The following PRELID2 variants were observed in gnomAD, a reference collection of about 807,000 sequenced individuals.
PRELID2 encodes PRELI domain containing 2, also known as PRELI domain-containing protein 2.
A neutral mutation model predicts 28.4 loss-of-function variants in PRELID2; 25 were observed. That is an observed-to-expected ratio of 0.88 (90% CI 0.64 to 1.23). PRELID2 has a LOEUF of 1.23. Among genes scored for constraint, PRELID2 ranks in the 50% most tolerant of loss-of-function variants. PRELID2 has a pLI of 0.00. For missense variants in PRELID2, 201 were observed against 214.4 expected (o/e 0.94, Z 0.39); for synonymous variants, 76 against 71.6 (o/e 1.06, Z -0.31).
At chr5:145,306,399 T>G in the PRELID2 span, among the ~76,000 whole-genome samples, 1 of 152,152 alleles carries the variant, frequency 6.6e-6, no homozygotes, top group Non-Finnish European at 1.5e-5. Flanking sequence ...TTTTAAAGTT[T>G]ACTTAAGTCA....
intron 1 of PRELID2, among the ~76,000 whole-genome samples, chr5:145,530,081 C>G (rs1047083803): frequency 1.3e-5 from 2 of 152,102 alleles, no homozygotes; most frequent in Non-Finnish European, 2.9e-5. Flanking sequence ...GAAGAGGGTA[C>G]TATTATCCCT....
the PRELID2 span, among the ~76,000 whole-genome samples, chr5:145,367,848 C>A: frequency 7.7e-6 from 1 of 129,908 alleles, no homozygotes; most frequent in Non-Finnish European, 1.7e-5. Context: ...TATCCACTCA[C>A]CTGCAACCTA....
In PRELID2 at chr5:145,610,887, G is replaced by C. The variant is rs137940768; in HGVS notation, n.71-137572C>G. Reference sequence around the variant, plus strand: ...ATTCTTCTTTTTGAAATCAGGAAGAGATAAGAAACCACTCTCATATAATGT... The same window carrying C: ...ATTCTTCTTTTTGAAATCAGGAAGACATAAGAAACCACTCTCATATAATGT... On this transcript the variant is annotated intron_variant and non_coding_transcript_variant, in intron 1 of 2. Coordinates refer to the PRELID2 transcript ENST00000510259. Among the ~76,000 whole-genome samples the C allele has an allele frequency of 2.1e-3, 317 of 151,624 alleles. 2 individuals are homozygous for C. The highest frequency in any genetic ancestry group is 7.4e-3 in the African/African-American group (306 of 41,412).
At chr5:145,484,252 G>T (rs1373941608) in intron 1 of PRELID2, among the ~76,000 whole-genome samples, 1 of 152,162 alleles carries the variant, frequency 6.6e-6, no homozygotes, top group Non-Finnish European at 1.5e-5. Flanking sequence ...CTATGAGGAA[G>T]GGGCATTACA....
At chr5:145,659,573 T>C (rs1581034310) in intron 1 of PRELID2, among the ~76,000 whole-genome samples, 1 of 152,280 alleles carries the variant, frequency 6.6e-6, no homozygotes, top group East Asian at 1.9e-4. Context: ...TCTCCTAGCT[T>C]AGAATGGGAT....
intron 4 of PRELID2, among the ~76,000 whole-genome samples, chr5:145,808,335 C>T (rs527372951): frequency 5.9e-5 from 9 of 151,828 alleles, no homozygotes; most frequent in South Asian, 4.2e-4. Context: ...ACCAGACTAC[C>T]GAATTTACTC....
rs977889194 is a variant in PRELID2 at position 145,744,220 on chromosome 5, A to T, written n.70+20711T>A. ...GGGGAGGGGTGGCCACAGTCTCTGCAGACCAGGAGACTTAGCCTTTTCTCC... is the reference window on the plus strand; with the variant it reads ...GGGGAGGGGTGGCCACAGTCTCTGCTGACCAGGAGACTTAGCCTTTTCTCC... On this transcript the variant is annotated intron_variant and non_coding_transcript_variant, in intron 1 of 2. Transcript: ENST00000510259. Among the ~76,000 whole-genome samples the T allele has an allele frequency of 5.9e-5, 9 of 152,352 alleles. No individual in the cohort carries two copies. The East Asian group carries it at 1.7e-3, about 29-fold the overall frequency.
At chr5:145,667,162 T>C (rs1754610968) in intron 1 of PRELID2, among the ~76,000 whole-genome samples, 1 of 152,066 alleles carries the variant, frequency 6.6e-6, no homozygotes, top group East Asian at 1.9e-4. Context: ...TCTGGAAAAG[T>C]CTAAGAAGAT....
At chr5:145,813,290 C>A (rs1015748062) in intron 4 of PRELID2, among the ~76,000 whole-genome samples, 2 of 152,196 alleles carry the variant, frequency 1.3e-5, no homozygotes, top group African/African-American at 4.8e-5. Context: ...AATAATGAAT[C>A]TTTCTTGGAT....
intron 1 of PRELID2, among the ~76,000 whole-genome samples, chr5:145,742,623 G>C (rs1464445202): frequency 6.8e-6 from 1 of 147,976 alleles, no homozygotes. Flanking sequence ...AGAATTTATA[G>C]CACTATATGC....
At chr5:145,701,684 T>C (rs912924901) in intron 1 of PRELID2, among the ~76,000 whole-genome samples, 1 of 152,238 alleles carries the variant, frequency 6.6e-6, no homozygotes, top group East Asian at 1.9e-4. Flanking sequence ...TCATTATCTT[T>C]TTAATGAACT....
chr5:145,786,166 T>C (rs757024204), intron 5 of PRELID2, among the ~76,000 whole-genome samples: 16 of 152,204 alleles, frequency 1.1e-4, no homozygotes, highest in Non-Finnish European at 2.2e-4. Context: ...ATACCCAGTA[T>C]ATATCAAAAA....
chr5:145,768,256 A>G (rs895573879), intron 5 of PRELID2, among the ~76,000 whole-genome samples: 170 of 151,316 alleles, frequency 1.1e-3, no homozygotes, highest in African/African-American at 4.0e-3. Flanking sequence ...GAATTAGGGG[A>G]AAGGGGATTG....
chr5:145,311,894 G>A, the PRELID2 span, among the ~76,000 whole-genome samples: 11 of 151,922 alleles, frequency 7.2e-5, no homozygotes, highest in Admixed American at 4.6e-4. Flanking sequence ...CCGTGGTTCC[G>A]CACTTTTATT....
chr5:145,587,923 A>G (rs1753176236), intron 1 of PRELID2, among the ~76,000 whole-genome samples: 1 of 152,198 alleles, frequency 6.6e-6, no homozygotes, highest in Non-Finnish European at 1.5e-5. Context: ...GTAAGAAGGA[A>G]AATTTCATTT....
intron 5 of PRELID2, 82 bp from the exon 6 acceptor site, chr5:145,765,082 A>G: frequency 1.1e-6 from 1 of 949,434 alleles, no homozygotes; most frequent in Non-Finnish European, 1.6e-6. Flanking sequence ...TTTCCCTTCA[A>G]AGAATCCAGG....
chr5:145,556,188 A>G (rs1056358517), intron 1 of PRELID2, among the ~76,000 whole-genome samples: 5 of 151,586 alleles, frequency 3.3e-5, no homozygotes, highest in Admixed American at 2.6e-4. Context: ...AAAAAAAAAA[A>G]AAAAAAAAAG....
At chr5:145,669,092 A>G (rs577664434) in intron 1 of PRELID2, among the ~76,000 whole-genome samples, 1 of 152,294 alleles carries the variant, frequency 6.6e-6, no homozygotes, top group South Asian at 2.1e-4. Flanking sequence ...AATATGTCAC[A>G]TAGCCATTCC....
chr5:145,790,855 T>C (rs1752336204), intron 5 of PRELID2, among the ~76,000 whole-genome samples: 1 of 145,540 alleles, frequency 6.9e-6, no homozygotes, highest in Non-Finnish European at 1.5e-5. Context: ...CCTCAAAATA[T>C]TAAACATATA....
Sources: gnomAD v4.1 joint callset for allele counts (sites outside exome capture counted in the v4.1 genomes callset) on GRCh38, gnomAD v4.1.1 for gene constraint, MANE v1.5 for transcripts, NCBI Gene and HGNC (gene_info 2026-07-23, HGNC 2026-07-21) for gene names.